Variants in TRIOBP observed in about 807,000 individuals in gnomAD.
TRIOBP encodes TRIO and F-actin-binding protein.
A neutral mutation model predicts 238.8 loss-of-function variants in TRIOBP; 169 were observed. The observed-to-expected ratio is 0.71, with a 90% CI of 0.62 to 0.80. TRIOBP has a LOEUF of 0.80. TRIOBP is among the 30% of genes least tolerant of loss of function. The pLI, the probability that TRIOBP is intolerant of heterozygous loss-of-function variation, is 0.00. For missense variants in TRIOBP, 2,838 were observed against 3,122.6 expected (o/e 0.91, Z 2.17); for synonymous variants, 1,150 against 1,274.4 (o/e 0.90, Z 2.08).
rs756535970 is a variant in TRIOBP, at chr22:37,771,735, A to C, written c.6935A>C (p.Lys2312Thr). ...CLRDELQMMQ[K>T]DKRFTSGKYQ... ...CGGGACGAGCTCCAGATGATGCAGAAGGTAGGTCCTTCCGCTGGGCTGGGG... is the reference window on the plus strand; with the variant it reads ...CGGGACGAGCTCCAGATGATGCAGACGGTAGGTCCTTCCGCTGGGCTGGGG... Residue 2312 changes from lysine (K) to threonine (T), a missense_variant and splice_region_variant, in exon 22 of 24, where the codon AAG (lysine) becomes ACG (threonine). Physicochemically the swap from Lys to Thr is moderately conservative, Grantham distance 78 (BLOSUM62 -1). Transcript: ENST00000644935. 3.2e-5 allele frequency: 51 copies of C among 1,613,984 alleles called. No individual in the cohort carries two copies. Among genetic ancestry groups the C allele is most frequent in the African/African-American group, 5.3e-5 (4 of 74,920 alleles).
chr22:37,771,343 T>C (rs1241465364), intron 21 of TRIOBP, among the ~76,000 whole-genome samples: 1 of 152,138 alleles, frequency 6.6e-6, no homozygotes, highest in African/African-American at 2.4e-5. Context: ...CTCAGGTTTA[T>C]GTAGGGCTTC....
rs572411422 is a variant in TRIOBP at position 37,753,608 on chromosome 22, G to A, written c.5380-1269G>A. ...GGACTTCTTAGTAGCCCTACTTTAT[G>A]GTTCAGAAGACTGAAGCTCAGAAAA... is the stretch of plus-strand genomic sequence containing the variant. On this transcript the variant is annotated intron_variant, in intron 12 of 23. Transcript: ENST00000644935. Among the ~76,000 whole-genome samples, 15 of 152,326 alleles carry A rather than the reference G, an allele frequency of 9.8e-5. No individual in the cohort carries two copies. In the South Asian group the frequency reaches 3.1e-3, roughly 32 times the overall value.
chr22:37,703,501 CTCT>C (rs1922766697), intron 3 of TRIOBP, among the ~76,000 whole-genome samples: 2 of 138,774 alleles, frequency 1.4e-5, no homozygotes, highest in African/African-American at 5.2e-5. Flanking sequence ...TCTGAAGGTC[CTCT>C]TTTTTTTTTT....
At chr22:37,733,735 A>G (rs1189549973) in intron 8 of TRIOBP, among the ~76,000 whole-genome samples, 3 of 145,966 alleles carry the variant, frequency 2.1e-5, no homozygotes, top group Non-Finnish European at 4.5e-5. Context: ...CAGTGGGACA[A>G]TATTGGCTCA....
At chr22:37,752,246 C>T (rs1925653347) in intron 12 of TRIOBP, among the ~76,000 whole-genome samples, 1 of 152,202 alleles carries the variant, frequency 6.6e-6, no homozygotes, top group African/African-American at 2.4e-5. Flanking sequence ...CTGGTTGAGT[C>T]AAAGCCTCCT....
intron 8 of TRIOBP, 101 bp from the exon 9 acceptor site, chr22:37,734,298 G>C (rs2145842010): frequency 8.8e-7 from 1 of 1,142,022 alleles, no homozygotes; most frequent in Middle Eastern, 1.9e-4. Context: ...TCAGGCTGCT[G>C]TGTGGACACA....
chr22:37,764,836 G>A (rs970442068), intron 17 of TRIOBP, among the ~76,000 whole-genome samples: 1 of 152,220 alleles, frequency 6.6e-6, no homozygotes, highest in East Asian at 1.9e-4. Flanking sequence ...TGGGGACTGC[G>A]CCAGTCAGAT....
intron 11 of TRIOBP, among the ~76,000 whole-genome samples, chr22:37,750,160 G>C (rs1240091669): frequency 6.6e-6 from 1 of 152,238 alleles, no homozygotes; most frequent in Non-Finnish European, 1.5e-5. Context: ...CTCAGAGAGG[G>C]GATGTGACTT....
At position 37,765,732 on chromosome 22, in the gene TRIOBP, G is replaced by T; in HGVS notation, c.6387G>T (p.Leu2129=). 1 of 1,565,538 alleles carries T rather than the reference G, an allele frequency of 6.4e-7. No homozygotes were observed. The highest frequency in any genetic ancestry group is 8.6e-7 in the Non-Finnish European group (1 of 1,156,322). ...ESSHQQVMEE[L]QRHHERELQR... is the part of the protein sequence containing the mutation. ...CGCACCAGCAGGTGATGGAGGAGCT[G>T]CAGCGGCACCACGAGCGGGAGCTGC... The change falls in exon 18 of 24, where the codon CTG becomes CTT. Residue 2129 remains leucine, a synonymous_variant. Transcript: ENST00000644935.
Position 37,735,329 on chromosome 22 carries a change from C to T in TRIOBP, c.4993C>T (p.Pro1665Ser), listed in dbSNP as rs1245055754. The T allele has an allele frequency of 6.2e-7, 1 of 1,613,316 alleles. No homozygotes were observed. Among genetic ancestry groups the T allele is most frequent in the East Asian group, 2.2e-5 (1 of 44,870 alleles). ...PSPACTSTQW[P>S]KIKVTRGPAT... ...CCCTGCCTGCACCTCCACCCAGTGGCCAAAGATCAAAGTGACAAGAGGACC... is the reference window on the plus strand; with the variant it reads ...CCCTGCCTGCACCTCCACCCAGTGGTCAAAGATCAAAGTGACAAGAGGACC... The change falls in exon 9 of 24, where the codon CCA becomes TCA. Residue 1665 changes from proline (P) to serine (S), a missense_variant. Pro to Ser is a moderately conservative substitution (Grantham distance 74). Transcript: ENST00000644935.
chr22:37,747,942 G>T (rs537406609), intron 11 of TRIOBP, among the ~76,000 whole-genome samples: 1 of 152,220 alleles, frequency 6.6e-6, no homozygotes, highest in Non-Finnish European at 1.5e-5. Context: ...AGCGTGTGGG[G>T]TGCTTGGAAG....
intron 7 of TRIOBP, among the ~76,000 whole-genome samples, chr22:37,730,653 A>T (rs1384163797): frequency 6.6e-6 from 1 of 152,146 alleles, no homozygotes; most frequent in East Asian, 1.9e-4. Flanking sequence ...CAATTAGATT[A>T]CAAATTGGCT....
In TRIOBP at chr22:37,762,849, G is replaced by A. The variant is rs1926312699; in HGVS notation, c.6325-2821G>A. 2.0e-5 allele frequency among the ~76,000 whole-genome samples: 3 copies of A among 152,282 alleles called. 1 individual carries two copies. In the South Asian group the frequency reaches 6.2e-4, roughly 32 times the overall value. ...CTGAGTGGGTGCCCTTCCTTCAGGG[G>A]TTGGGGGCTTGCTGCTGCACGACAG... On this transcript the variant is annotated intron_variant, in intron 17 of 23. Coordinates refer to ENST00000644935, the MANE Select transcript of TRIOBP (RefSeq NM_001039141.3).
At chr22:37,736,156 C>T (rs1924657879) in intron 9 of TRIOBP, among the ~76,000 whole-genome samples, 1 of 152,240 alleles carries the variant, frequency 6.6e-6, no homozygotes. Context: ...TTCACTGGTG[C>T]TTTGGTGCTG....
In TRIOBP at chr22:37,757,859, C is replaced by T; in HGVS notation, c.5934C>T (p.Asp1978=). The change falls in exon 16 of 24, where the codon GAC becomes GAT. Residue 1978 remains aspartate (D), a synonymous_variant. Coordinates refer to ENST00000644935, the MANE Select transcript of TRIOBP (RefSeq NM_001039141.3). Reference sequence around the variant, plus strand: ...CCAAGCAGGAGGAGCTGGAGCGGGACCTGGCCCAGCGCTCCGAGGAGCGGC... The same window carrying T: ...CCAAGCAGGAGGAGCTGGAGCGGGATCTGGCCCAGCGCTCCGAGGAGCGGC... ...RLAKQEELER[D]LAQRSEERRK... 3.9e-6 allele frequency: 6 copies of T among 1,552,380 alleles called. No homozygotes were observed. Among genetic ancestry groups the T allele is most frequent in the Non-Finnish European group, 5.2e-6 (6 of 1,148,062 alleles).
Position 37,756,851 on chromosome 22 carries a change from C to A in TRIOBP, c.5688-762C>A, listed in dbSNP as rs1441643161. ...GTCTCTGCAACTTGTGTTCTGTGCA[C>A]CCCGAGGTCCCGCCTTCACCCCATC... On this transcript the variant is annotated intron_variant, in intron 15 of 23. Transcript: ENST00000644935. Among the ~76,000 whole-genome samples the A allele has an allele frequency of 2.0e-5, 3 of 152,190 alleles. No individual in the cohort carries two copies. The East Asian group carries it at 5.8e-4, about 29-fold the overall frequency.
intron 2 of TRIOBP, among the ~76,000 whole-genome samples, chr22:37,698,354 C>CTTTTTT (rs1175913171): frequency 8.6e-5 from 5 of 57,938 alleles, no homozygotes; most frequent in Non-Finnish European, 1.2e-4. Flanking sequence ...CTGCAAGAGC[C>CTTTTTT]TTTTTTTTTT....
At chr22:37,752,709 G>C (rs560484456) in intron 12 of TRIOBP, among the ~76,000 whole-genome samples, 1 of 152,182 alleles carries the variant, frequency 6.6e-6, no homozygotes, top group Non-Finnish European at 1.5e-5. Context: ...CACAAAGCCC[G>C]GCACCCCGCC....
At position 37,757,665 on chromosome 22, in the gene TRIOBP, G is replaced by A. The variant is rs1432919751; in HGVS notation, c.5740G>A (p.Gly1914Ser). Reference sequence around the variant, plus strand: ...GCTGCACAGCTACAGCACCCAGAAGGGCCCCCTGAAGGCAGGGGAGCAGCG... The same window carrying A: ...GCTGCACAGCTACAGCACCCAGAAGAGCCCCCTGAAGGCAGGGGAGCAGCG... The part of the protein sequence containing the change: ...NALHSYSTQK[G>S]PLKAGEQRAG... Residue 1914 changes from glycine to serine, a missense_variant, in exon 16 of 24, where the codon GGC becomes AGC. This residue lies in a region of TRIOBP where 2,096 missense variants were observed against 2,137.4 expected (regional missense o/e 0.98). Transcript: ENST00000644935. 1 of 1,590,604 alleles carries A rather than the reference G, an allele frequency of 6.3e-7. No individual in the cohort carries two copies. Among genetic ancestry groups the A allele is most frequent in the Non-Finnish European group, 8.5e-7 (1 of 1,170,026 alleles).
Sources: allele counts gnomAD v4.1 joint callset (sites outside exome capture counted in the v4.1 genomes callset), GRCh38; gene constraint gnomAD v4.1.1; regional missense constraint gnomAD v4.1.1; transcripts MANE v1.5; gene names NCBI Gene and HGNC (gene_info 2026-07-23, HGNC 2026-07-21).